The following ZC3H4 variants were observed in gnomAD, a reference collection of about 807,000 sequenced individuals.
ZC3H4 encodes the protein zinc finger CCCH domain-containing protein 4.
In ZC3H4, 13 loss-of-function variants were observed where a neutral mutation model predicts 108.3. The observed-to-expected ratio is 0.12, with a 90% CI of 0.08 to 0.19. The LOEUF (loss-of-function observed/expected upper bound fraction) is 0.19, where lower values mean the gene tolerates loss of function less well. Among genes scored for constraint, ZC3H4 ranks in the 10% least tolerant of loss-of-function variants. ZC3H4 has a pLI of 1.00. For synonymous variants in ZC3H4, 917 were observed against 749.6 expected (o/e 1.22, Z -3.65); for missense variants, 1,734 against 1,838.8 (o/e 0.94, Z 1.04).
intron 14 of ZC3H4, among the ~76,000 whole-genome samples, chr19:47,068,294 G>T (rs1387284011): frequency 6.6e-6 from 1 of 152,192 alleles, no homozygotes; most frequent in African/African-American, 2.4e-5. Flanking sequence ...CCCCACTGTG[G>T]CAAGTCCAGC....
At chr19:47,097,101 A>G (rs2057834304) in intron 2 of ZC3H4, 1 of 634,264 alleles carries the variant, frequency 1.6e-6, no homozygotes, top group African/African-American at 2.0e-5. Flanking sequence ...ATGATTCTAG[A>G]AAGGAATCAC....
In ZC3H4 at chr19:47,094,777, C is replaced by T. The variant is rs946823077; in HGVS notation, c.162-169G>A. 2.0e-5 allele frequency among the ~76,000 whole-genome samples: 3 copies of T among 152,280 alleles called. No homozygotes were observed. The South Asian group carries it at 6.2e-4, about 32-fold the overall frequency. On this transcript the variant is annotated intron_variant, in intron 2 of 14. Transcript: ENST00000253048. Reference sequence around the variant, plus strand: ...CTCTTGTTCCATCCCTTATCCTCCCCCTGAAAGAACTGTGCTTGCTCCAGT... The same window carrying T: ...CTCTTGTTCCATCCCTTATCCTCCCTCTGAAAGAACTGTGCTTGCTCCAGT...
In ZC3H4 at chr19:47,112,549, TGGC is replaced by T. The variant is rs1247889269; in HGVS notation, c.33_35del (p.Pro12del). On this transcript the variant is annotated inframe_deletion, in exon 2 of 15. Coordinates refer to ENST00000253048, the MANE Select transcript of ZC3H4 (RefSeq NM_015168.2). ...GCGATGGCGGCGGCGGCGACTCTGA[TGGC>T]GGCGGCGGGGGGGTCCCGGGCGCGG... 1.2e-5 allele frequency: 12 copies of T among 1,010,176 alleles called. No homozygotes were observed. The highest frequency in any genetic ancestry group is 5.1e-5 in the African/African-American group (3 of 58,508). The allele number at this position is 1,010,176 out of a possible 1,614,324, so 62.6% of individuals were successfully genotyped here.
chr19:47,105,592 C>G (rs915161031), intron 2 of ZC3H4, among the ~76,000 whole-genome samples: 2 of 152,172 alleles, frequency 1.3e-5, no homozygotes, highest in Non-Finnish European at 2.9e-5. Flanking sequence ...GAGCAAGATT[C>G]TGTCTCAAAA....
chr19:47,069,106 C>A lies in ZC3H4; in HGVS notation c.2384G>T (p.Arg795Leu). The A allele has an allele frequency of 1.9e-6, 3 of 1,603,802 alleles. No individual in the cohort carries two copies. The highest frequency in any genetic ancestry group is 2.5e-6 in the Non-Finnish European group (3 of 1,179,916). ...CGGACACGTGCCTTCCTCATTCTCC[C>A]GGTCCTGCTTGCTGCTCTCAGCCAG... ...RRLAESSKQD[R>L]ENEEGDTGNW... Residue 795 changes from arginine to leucine, a missense_variant, in exon 14 of 15, where the codon CGG becomes CTG. Coordinates refer to ENST00000253048, the MANE Select transcript of ZC3H4 (RefSeq NM_015168.2).
At chr19:47,078,341 G>A (rs370254252) in intron 11 of ZC3H4, among the ~76,000 whole-genome samples, 21 of 151,826 alleles carry the variant, frequency 1.4e-4, no homozygotes, top group South Asian at 6.3e-4. Context: ...AGGCACGGAC[G>A]GGCATGGTGG....
intron 2 of ZC3H4, among the ~76,000 whole-genome samples, chr19:47,105,552 T>C (rs577371879): frequency 1.3e-5 from 2 of 152,096 alleles, no homozygotes; most frequent in Admixed American, 6.6e-5. Context: ...TGAGCCAAGA[T>C]CATGCCACCG....
In ZC3H4 at chr19:47,069,087, C is replaced by T. The variant is rs1467952217; in HGVS notation, c.2398+5G>A. The T allele has an allele frequency of 1.2e-6, 2 of 1,602,580 alleles. No homozygotes were observed. Among genetic ancestry groups the T allele is most frequent in the Non-Finnish European group, 1.7e-6 (2 of 1,179,896 alleles). On this transcript the variant is annotated splice_donor_5th_base_variant and intron_variant, in intron 14 of 14. Transcript: ENST00000253048. ...TGTGCCCCGGCCCCTGGGGCGGACA[C>T]GTGCCTTCCTCATTCTCCCGGTCCT...
At chr19:47,068,953 C>A in intron 14 of ZC3H4, 139 bp downstream of exon 14, 1 of 1,510,700 alleles carries the variant, frequency 6.6e-7, no homozygotes, top group Non-Finnish European at 8.8e-7. Flanking sequence ...CCCAGCCCGG[C>A]TTCATGGCCC....
intron 4 of ZC3H4, among the ~76,000 whole-genome samples, chr19:47,090,877 G>A (rs2057719313): frequency 1.3e-5 from 2 of 152,164 alleles, no homozygotes; most frequent in African/African-American, 2.4e-5. Flanking sequence ...CATTGGTAAT[G>A]GGAAACTGGA....
chr19:47,086,595 A>G (rs2057632046), intron 5 of ZC3H4, 57 bp from the exon 6 acceptor site: 2 of 1,513,080 alleles, frequency 1.3e-6, no homozygotes, highest in Non-Finnish European at 1.8e-6. Context: ...CCAGCAAGAA[A>G]GAAGACAACC....
chr19:47,076,534 G>A (rs1270750982), intron 11 of ZC3H4, among the ~76,000 whole-genome samples: 1 of 152,168 alleles, frequency 6.6e-6, no homozygotes, highest in Non-Finnish European at 1.5e-5. Context: ...TTGTGGGGTG[G>A]TGACATGACT....
rs374253963 is a variant in ZC3H4 at position 47,094,132 on chromosome 19, G to T, written c.382-52C>A. 9.0e-5 allele frequency: 140 copies of T among 1,558,326 alleles called. 1 individual carries two copies. The highest frequency in any genetic ancestry group is 1.1e-4 in the Non-Finnish European group (130 of 1,130,616). ...GCAACCTGCCACAGGCAGGCCACTC[G>T]GGCACAGTCAGCCTCAGGACAAACT... On this transcript the variant is annotated intron_variant, in intron 3 of 14. Coordinates refer to ENST00000253048, the MANE Select transcript of ZC3H4 (RefSeq NM_015168.2).
intron 9 of ZC3H4, among the ~76,000 whole-genome samples, chr19:47,082,987 GA>G: frequency 6.6e-6 from 1 of 152,260 alleles, no homozygotes; most frequent in South Asian, 2.1e-4. Flanking sequence ...CCATAACCGT[GA>G]ACTGAAGACA....
chr19:47,098,857 C>T (rs1375655837), intron 2 of ZC3H4, among the ~76,000 whole-genome samples: 5 of 152,224 alleles, frequency 3.3e-5, no homozygotes, highest in Non-Finnish European at 7.3e-5. Flanking sequence ...CAGCAGCCTA[C>T]AGATTCGGGC....
chr19:47,076,566 T>C (rs115858414), intron 11 of ZC3H4, among the ~76,000 whole-genome samples: 1,811 of 152,234 alleles, frequency 0.012, 23 homozygotes, highest in South Asian at 0.037. Flanking sequence ...TCAAAACTCA[T>C]AGAACCAGGC....
At chr19:47,109,869 T>C (rs1473620817) in intron 2 of ZC3H4, among the ~76,000 whole-genome samples, 1 of 152,182 alleles carries the variant, frequency 6.6e-6, no homozygotes, top group Non-Finnish European at 1.5e-5. Context: ...ACGGAACTTA[T>C]GCTTGTAAAA....
chr19:47,112,077 A>C, intron 2 of ZC3H4: 1 of 1,000,208 alleles, frequency 1.0e-6, no homozygotes, highest in Non-Finnish European at 1.2e-6. Flanking sequence ...GGGTCTCCGC[A>C]GCACCCCCCA....
intron 13 of ZC3H4, among the ~76,000 whole-genome samples, chr19:47,070,088 G>A (rs975910389): frequency 1.3e-5 from 2 of 151,854 alleles, no homozygotes; most frequent in African/African-American, 2.4e-5. Flanking sequence ...TGCATGTTGC[G>A]TGTGTGACAC....
Sources: gnomAD v4.1 joint callset for allele counts (sites outside exome capture counted in the v4.1 genomes callset) on GRCh38, gnomAD v4.1.1 for gene constraint, MANE v1.5 for transcripts, NCBI Gene and HGNC (gene_info 2026-07-23, HGNC 2026-07-21) for gene names.